THRA: variants seen among roughly 807,000 people sequenced by gnomAD.
The protein encoded by THRA is thyroid hormone receptor alpha, also known as EAR-7.
In THRA, 13 loss-of-function variants were observed where a neutral mutation model predicts 45.0. The observed-to-expected ratio is 0.29, with a 90% CI of 0.19 to 0.46. The LOEUF (loss-of-function observed/expected upper bound fraction) is 0.46. Among genes scored for constraint, THRA ranks in the 20% least tolerant of loss-of-function variants. The pLI, the probability that THRA is intolerant of heterozygous loss-of-function variation, is 1.00. For synonymous variants in THRA, 195 were observed against 214.0 expected (o/e 0.91, Z 0.78); for missense variants, 278 against 556.1 (o/e 0.50, Z 5.03).
intron 4 of THRA, among the ~76,000 whole-genome samples, chr17:40,078,822 C>T (rs975432723): frequency 6.8e-6 from 1 of 147,776 alleles, no homozygotes; most frequent in Non-Finnish European, 1.5e-5. Context: ...ACCTTCGCCT[C>T]CCGGGTTCAA....
At chr17:40,075,325 G>T (rs1598391648) in intron 2 of THRA, among the ~76,000 whole-genome samples, 1 of 152,156 alleles carries the variant, frequency 6.6e-6, no homozygotes, top group Non-Finnish European at 1.5e-5. Context: ...GTGCTCCGGG[G>T]AGCAGTGTGG....
At chr17:40,083,507 C>T (rs1987219572) in intron 4 of THRA, among the ~76,000 whole-genome samples, 1 of 152,242 alleles carries the variant, frequency 6.6e-6, no homozygotes, top group African/African-American at 2.4e-5. Context: ...GCCACCGCGC[C>T]CGGCGACTTG....
Position 40,074,330 on chromosome 17 carries a change from A to G in THRA, c.-159A>G, listed in dbSNP as rs1355157758. 4 of 729,812 alleles carry G rather than the reference A, an allele frequency of 5.5e-6. No individual in the cohort carries two copies. The highest frequency in any genetic ancestry group is 9.3e-6 in the Non-Finnish European group (4 of 431,600). The allele number at this position is 729,812 out of a possible 1,614,324, so 45.2% of individuals were successfully genotyped here. A position where few individuals can be genotyped will look rare whatever the true frequency, so the allele number is the denominator to read the frequency against. The stretch of plus-strand genomic sequence containing the variant: ...GCCCGCCCCCCTTGGGGCGCAGGGC[A>G]TGGTGTGAAAGGCCAAGTGCTGAGG... On this transcript the variant is annotated 5_prime_UTR_variant, in exon 2 of 9. It removes an upstream start codon present in the reference 5' UTR. Transcript: ENST00000450525.
At chr17:40,072,465 T>C (rs1483604522) in intron 1 of THRA, among the ~76,000 whole-genome samples, 1 of 151,932 alleles carries the variant, frequency 6.6e-6, no homozygotes, top group East Asian at 1.9e-4. Context: ...TGTAAACAAG[T>C]GGTGGCAGTG....
chr17:40,081,445 G>T (rs1987134574), intron 4 of THRA, among the ~76,000 whole-genome samples: 1 of 151,734 alleles, frequency 6.6e-6, no homozygotes, highest in African/African-American at 2.4e-5. Context: ...ATTTTTAGTA[G>T]AGATGGGGTT....
chr17:40,081,342 C>G (rs1389924418), intron 4 of THRA, among the ~76,000 whole-genome samples: 3 of 151,826 alleles, frequency 2.0e-5, no homozygotes, highest in African/African-American at 7.3e-5. Context: ...CCTTGACCTC[C>G]TGGTCTCAAG....
chr17:40,073,332 C>G (rs1214710229), intron 1 of THRA, among the ~76,000 whole-genome samples: 1 of 152,172 alleles, frequency 6.6e-6, no homozygotes, highest in Admixed American at 6.5e-5. Flanking sequence ...GGTAGCAGAA[C>G]AAGGCTAGCA....
intron 7 of THRA, among the ~76,000 whole-genome samples, chr17:40,087,746 A>C (rs145347772): frequency 6.6e-6 from 1 of 152,266 alleles, no homozygotes; most frequent in African/African-American, 2.4e-5. Context: ...GATGGGTGCT[A>C]ACTCACAGGC....
rs146295546 is a variant in THRA at position 40,089,267 on chromosome 17, G to A, written c.1044G>A (p.Ala348=). 47 of 1,613,810 alleles carry A rather than the reference G, an allele frequency of 2.9e-5. No individual in the cohort carries two copies. Among genetic ancestry groups the A allele is most frequent in the African/African-American group, 8.0e-5 (6 of 74,808 alleles). Residue 348 remains alanine (A), a synonymous_variant, in exon 9 of 9, where the codon GCG becomes GCA. Transcript: ENST00000450525. This position sits in a 1 kb window ranked among gnomAD's most constrained non-coding sequence, Gnocchi z 6.1. ...IEKSQEAYLL[A]FEHYVNHRKH... The stretch of plus-strand genomic sequence containing the variant: ...AGAGTCAGGAGGCGTACCTGCTGGC[G>A]TTCGAGCACTACGTCAACCACCGCA...
chr17:40,087,018 ATACACCCAG>A, intron 7 of THRA, 165 bp downstream of exon 7: 1 of 881,676 alleles, frequency 1.1e-6, no homozygotes, highest in Non-Finnish European at 1.7e-6. Context: ...ATGCATACAC[ATACACCCAG>A]CACACAGGCA....
intron 4 of THRA, among the ~76,000 whole-genome samples, chr17:40,081,018 G>A (rs1012684848): frequency 1.3e-5 from 2 of 151,932 alleles, no homozygotes; most frequent in Admixed American, 6.6e-5. Context: ...CACCGCACTC[G>A]GCTGCCTTTG....
At chr17:40,082,717 G>T (rs771488516) in intron 4 of THRA, among the ~76,000 whole-genome samples, 3 of 138,592 alleles carry the variant, frequency 2.2e-5, no homozygotes, top group Non-Finnish European at 4.6e-5. Flanking sequence ...CCTTCTGCAT[G>T]TAAAGCAGAT....
At position 40,088,854 on chromosome 17, in the gene THRA, C is replaced by T. The variant is rs137934618; in HGVS notation, c.983-352C>T. On this transcript the variant is annotated intron_variant, in intron 8 of 8. Transcript: ENST00000450525. ...TCTGTCTCCCAGTCCCATCTCTTAC[C>T]CCTCAGTCCCCTCCCTAACCCCATC... Among the ~76,000 whole-genome samples, 881 of 151,632 alleles carry T rather than the reference C, an allele frequency of 5.8e-3. 5 individuals carry two copies. The highest frequency in any genetic ancestry group is 9.2e-3 in the Non-Finnish European group (622 of 67,852).
rs1158776243 is a variant in THRA at position 40,088,505 on chromosome 17, C to G, written c.982+5C>G. ...CTGTGCTGCTAATGTCAACAGGTAC[C>G]TGCTGATTAGTCGGGAGGGCTCAGA... On this transcript the variant is annotated splice_donor_5th_base_variant and intron_variant, in intron 8 of 8. Transcript: ENST00000450525. 2.5e-6 allele frequency: 4 copies of G among 1,607,730 alleles called. No individual in the cohort carries two copies. The African/African-American group carries it at 5.3e-5, about 21-fold the overall frequency.
At chr17:40,083,745 T>G in intron 4 of THRA, 90 bp from the exon 5 acceptor site, 2 of 1,480,092 alleles carry the variant, frequency 1.4e-6, no homozygotes, top group Non-Finnish European at 1.8e-6. Flanking sequence ...TTCCTTGCTC[T>G]CCACCCCTGA....
Position 40,083,989 on chromosome 17 carries a change from G to A in THRA, c.370+7G>A. 1 of 1,606,850 alleles carries A rather than the reference G, an allele frequency of 6.2e-7. No individual in the cohort carries two copies. The highest frequency in any genetic ancestry group is 1.1e-5 in the South Asian group (1 of 90,252). Reference sequence around the variant, plus strand: ...GTGGGCATGGCCATGGACTGTAAGGGGCCCAGGTGGAGGGAATAGAGCCAG... The same window carrying A: ...GTGGGCATGGCCATGGACTGTAAGGAGCCCAGGTGGAGGGAATAGAGCCAG... On this transcript the variant is annotated splice_region_variant and intron_variant, in intron 5 of 8. Transcript: ENST00000450525.
chr17:40,078,573 C>A (rs1405057808), intron 4 of THRA, among the ~76,000 whole-genome samples: 1 of 152,186 alleles, frequency 6.6e-6, no homozygotes, highest in African/African-American at 2.4e-5. Flanking sequence ...TCAGTGTATT[C>A]TTAGGTGTGA....
At position 40,084,488 on chromosome 17, in the gene THRA, C is replaced by A. The variant is rs530568934; in HGVS notation, c.371-122C>A. ...CCAACTGCTAGGTGATTTGGGAAGT[C>A]ATTTAGCCTCCATGGCCCTCGGTTT... On this transcript the variant is annotated intron_variant, in intron 5 of 8. Transcript: ENST00000450525. The A allele has an allele frequency of 7.3e-6, 8 of 1,099,224 alleles. No individual in the cohort carries two copies. The African/African-American group carries it at 1.1e-4, about 15-fold the overall frequency. 68.1% of individuals were successfully genotyped at this position (1,099,224 alleles called of 1,614,324 possible).
intron 4 of THRA, among the ~76,000 whole-genome samples, 175 bp downstream of exon 4, chr17:40,077,783 C>G (rs200765682): frequency 1.3e-5 from 2 of 152,102 alleles, no homozygotes; most frequent in Non-Finnish European, 2.9e-5. Context: ...CTGCAACCTC[C>G]GCCTTCAGGT....
Sources: gnomAD v4.1 joint callset for allele counts (sites outside exome capture counted in the v4.1 genomes callset) on GRCh38, gnomAD v4.1.1 for gene constraint, Gnocchi (gnomAD v3.1) non-coding constraint, MANE v1.5 for transcripts, NCBI Gene and HGNC (gene_info 2026-07-23, HGNC 2026-07-21) for gene names.